The following SHCBP1 variants were observed in gnomAD, a reference collection of about 807,000 sequenced individuals.
SHCBP1 encodes the protein SHC binding and spindle associated 1, also known as SHC SH2 domain-binding protein 1.
SHCBP1 carries 60 observed loss-of-function variants against 75.1 expected under a neutral mutation model. The ratio of observed to expected loss-of-function variants is 0.80; its 90% CI spans 0.65 to 0.99. The LOEUF (loss-of-function observed/expected upper bound fraction) is 0.99. Among genes scored for constraint, SHCBP1 ranks in the 50% least tolerant of loss-of-function variants. The pLI, the probability that SHCBP1 is intolerant of heterozygous loss-of-function variation, is 0.00. For missense variants in SHCBP1, 709 were observed against 809.4 expected (o/e 0.88, Z 1.50); for synonymous variants, 290 against 293.2 (o/e 0.99, Z 0.11).
chr16:46,604,925 T>C (rs1596682926), intron 5 of SHCBP1, among the ~76,000 whole-genome samples: 2 of 152,156 alleles, frequency 1.3e-5, no homozygotes, highest in East Asian at 3.8e-4. Flanking sequence ...AATACGACTT[T>C]AAAAATTTTT....
At chr16:46,605,114 A>T (rs1388474639) in intron 5 of SHCBP1, among the ~76,000 whole-genome samples, 1 of 152,230 alleles carries the variant, frequency 6.6e-6, no homozygotes, top group Non-Finnish European at 1.5e-5. Context: ...TGCCATTACT[A>T]ATCTAGAGAG....
intron 5 of SHCBP1, among the ~76,000 whole-genome samples, chr16:46,606,749 A>C (rs1318356008): frequency 6.6e-6 from 1 of 152,234 alleles, no homozygotes; most frequent in African/African-American, 2.4e-5. Flanking sequence ...TAGAAATCAT[A>C]GCCCATTTAC....
At chr16:46,587,880 C>T (rs1964977489) in intron 10 of SHCBP1, among the ~76,000 whole-genome samples, 1 of 152,212 alleles carries the variant, frequency 6.6e-6, no homozygotes, top group Non-Finnish European at 1.5e-5. Context: ...AGCACCACAT[C>T]ACACTTATTC....
At chr16:46,615,519 C>A (rs1017635897) in intron 4 of SHCBP1, among the ~76,000 whole-genome samples, 1 of 152,152 alleles carries the variant, frequency 6.6e-6, no homozygotes, top group South Asian at 2.1e-4. Flanking sequence ...GCAGGTGGAT[C>A]ACCTGAGGTC....
chr16:46,595,632 GCA>G lies in SHCBP1; in HGVS notation c.1382_1383del (p.Val461AlafsTer4), dbSNP rs1174277998. 3.1e-6 allele frequency: 5 copies of G among 1,614,110 alleles called. No homozygotes were observed. The highest frequency in any genetic ancestry group is 2.7e-5 in the African/African-American group (2 of 75,058). On this transcript the variant is annotated frameshift_variant, in exon 10 of 13. Transcript: ENST00000303383. LOFTEE classifies it high-confidence loss of function. ...HRGKTTLENC[V>X]LQCETTGVTV... ...GTGACTCCGGTCGTCTCACACTGCA[GCA>G]CACAGTTTTCCAGCGTAGTCTTACC... is the stretch of plus-strand genomic sequence containing the variant.
chr16:46,610,485 C>T (rs1242679276), intron 4 of SHCBP1, among the ~76,000 whole-genome samples: 4 of 142,922 alleles, frequency 2.8e-5, no homozygotes, highest in Non-Finnish European at 4.5e-5. Context: ...TTTTCCCTTG[C>T]AATTTATTGA....
chr16:46,613,249 C>CTG (rs1965446856), intron 4 of SHCBP1, among the ~76,000 whole-genome samples: 3 of 152,236 alleles, frequency 2.0e-5, no homozygotes, highest in Non-Finnish European at 4.4e-5. Flanking sequence ...TGCCTTGAGC[C>CTG]CCACAGTTCG....
chr16:46,585,918 G>A (rs910431165), intron 10 of SHCBP1, among the ~76,000 whole-genome samples: 4 of 152,044 alleles, frequency 2.6e-5, no homozygotes, highest in South Asian at 2.1e-4. Flanking sequence ...ATCAATGAAC[G>A]CCAAGTGGGA....
Position 46,580,204 on chromosome 16 carries a change from T to TA in SHCBP1, c.*1524dup, listed in dbSNP as rs199591996. Among the ~76,000 whole-genome samples, 809 of 151,316 alleles carry TA rather than the reference T, an allele frequency of 5.3e-3. 3 individuals are homozygous for TA. Among genetic ancestry groups the TA allele is most frequent in the African/African-American group, 0.018 (756 of 41,250 alleles). ...AGGCATCACATCTAGAGGCAAAAAT[T>TA]AAAAAAAAGAATAAAAGGTTTTAAT... On this transcript the variant is annotated 3_prime_UTR_variant, in exon 13 of 13. Transcript: ENST00000303383.
Position 46,581,653 on chromosome 16 carries a change from A to G in SHCBP1, c.*76T>C. 1 of 1,304,398 alleles carries G rather than the reference A, an allele frequency of 7.7e-7. No homozygotes were observed. Among genetic ancestry groups the G allele is most frequent in the Non-Finnish European group, 1.1e-6 (1 of 931,936 alleles). The allele number at this position is 1,304,398 out of a possible 1,614,324, so 80.8% of individuals were successfully genotyped here. A position where few individuals can be genotyped will look rare whatever the true frequency, so the allele number is the denominator to read the frequency against. On this transcript the variant is annotated 3_prime_UTR_variant, in exon 13 of 13. Transcript: ENST00000303383. ...ATATAAAATACAGACAATACAGCAA[A>G]CTACAATGGCAGCAGTGATTCTTAG...
chr16:46,599,825 A>G lies in SHCBP1; in HGVS notation c.1345+6T>C. On this transcript the variant is annotated splice_donor_region_variant and intron_variant, in intron 9 of 12. Transcript: ENST00000303383. ...CAAATGATATACCAAACATTCAGAT[A>G]CTTACTTAAGATTCCCTCTACAGCA... The G allele has an allele frequency of 1.3e-6, 2 of 1,596,568 alleles. No individual in the cohort carries two copies. Among genetic ancestry groups the G allele is most frequent in the Non-Finnish European group, 1.7e-6 (2 of 1,174,012 alleles).
intron 9 of SHCBP1, 29 bp downstream of exon 9, chr16:46,599,802 A>C: frequency 6.4e-7 from 1 of 1,568,544 alleles, no homozygotes; most frequent in Non-Finnish European, 8.6e-7. Flanking sequence ...TCTTAGAACA[A>C]ATGATATACC....
rs758741836 is a variant in SHCBP1 at position 46,603,621 on chromosome 16, G to A, written c.1131C>T (p.Phe377=). The change falls in exon 8 of 13, where the codon TTC becomes TTT. Residue 377 remains phenylalanine, a synonymous_variant. Coordinates refer to ENST00000303383, the MANE Select transcript of SHCBP1 (RefSeq NM_024745.5). ...SDPLSAINAC[F]EGDTVIVCPG... ...GACAAACAATAACAGTGTCACCTTC[G>A]AAGCAGGCATTTATAGCAGACAATG... The A allele has an allele frequency of 6.0e-5, 97 of 1,614,110 alleles. No homozygotes were observed. The highest frequency in any genetic ancestry group is 2.9e-4 in the South Asian group (26 of 91,078).
chr16:46,604,896 T>C (rs1311513665), intron 5 of SHCBP1, among the ~76,000 whole-genome samples: 5 of 152,356 alleles, frequency 3.3e-5, no homozygotes, highest in South Asian at 2.1e-4. Context: ...TTAAGATTAC[T>C]ATATTTTTCA....
At chr16:46,600,881 G>A (rs1167003796) in intron 8 of SHCBP1, among the ~76,000 whole-genome samples, 1 of 151,718 alleles carries the variant, frequency 6.6e-6, no homozygotes, top group African/African-American at 2.4e-5. Context: ...AGTGTGGCAT[G>A]TGCCTGTAAT....
intron 10 of SHCBP1, among the ~76,000 whole-genome samples, chr16:46,592,450 C>T (rs2142998715): frequency 6.6e-6 from 1 of 152,214 alleles, no homozygotes; most frequent in Middle Eastern, 3.4e-3. Context: ...AAATTGAATT[C>T]ATAATTTTAA....
Position 46,616,271 on chromosome 16 carries a change from C to T in SHCBP1, c.388-117G>A. 1.0e-6 allele frequency: 1 copy of T among 971,758 alleles called. No individual in the cohort carries two copies. The highest frequency in any genetic ancestry group is 1.6e-5 in the South Asian group (1 of 62,932). 60.2% of individuals were successfully genotyped at this position (971,758 alleles called of 1,614,324 possible). A position where few individuals can be genotyped will look rare whatever the true frequency, so the allele number is the denominator to read the frequency against. Reference sequence around the variant, plus strand: ...ATACAACATGGGTGGGGAGGCTTTACCCATAATATAAAGGATGAACAAGAC... The same window carrying T: ...ATACAACATGGGTGGGGAGGCTTTATCCATAATATAAAGGATGAACAAGAC... On this transcript the variant is annotated intron_variant, in intron 3 of 12. Transcript: ENST00000303383. The surrounding 1 kb of genome is among the most constrained non-coding windows in gnomAD (Gnocchi z 4.4).
rs1160281118 is a variant in SHCBP1 at position 46,580,174 on chromosome 16, T to C, written c.*1555A>G. ...TTTTAAGTTGAATAAATGGTTTTTA[T>C]CTTAAGGCATCACATCTAGAGGCAA... On this transcript the variant is annotated 3_prime_UTR_variant, in exon 13 of 13. Transcript: ENST00000303383. Among the ~76,000 whole-genome samples the C allele has an allele frequency of 6.6e-6, 1 of 151,448 alleles. No individual in the cohort carries two copies. Among genetic ancestry groups the C allele is most frequent in the Non-Finnish European group, 1.5e-5 (1 of 67,870 alleles).
intron 10 of SHCBP1, among the ~76,000 whole-genome samples, chr16:46,590,203 A>G (rs935280597): frequency 1.3e-5 from 2 of 152,226 alleles, no homozygotes; most frequent in Non-Finnish European, 2.9e-5. Flanking sequence ...TAGACCTAAA[A>G]CCATTAAAAC....
Sources: gnomAD v4.1 joint callset for allele counts (sites outside exome capture counted in the v4.1 genomes callset) on GRCh38, gnomAD v4.1.1 for gene constraint, Gnocchi (gnomAD v3.1) non-coding constraint, MANE v1.5 for transcripts, NCBI Gene and HGNC (gene_info 2026-07-23, HGNC 2026-07-21) for gene names.